RBFOX1: variants seen among roughly 807,000 people sequenced by gnomAD.
The protein encoded by RBFOX1 is RNA binding fox-1 homolog 1.
A neutral mutation model predicts 57.7 loss-of-function variants in RBFOX1; 8 were observed. The ratio of observed to expected loss-of-function variants is 0.14; its 90% CI spans 0.08 to 0.25. RBFOX1 has a LOEUF of 0.25. Ranked by LOEUF, RBFOX1 falls within the 10% of genes least tolerant of loss-of-function variation. RBFOX1 has a pLI of 1.00. For synonymous variants in RBFOX1, 326 were observed against 222.4 expected (o/e 1.47, Z -4.15); for missense variants, 611 against 548.5 (o/e 1.11, Z -1.14).
rs778753196 is a variant in RBFOX1 at position 6,859,174 on chromosome 16, T to TACGTATATATAC, written c.-15-192883_-15-192882insACGTATATATAC. Among the ~76,000 whole-genome samples the TACGTATATATAC allele has an allele frequency of 2.2e-4, 14 of 65,080 alleles. 2 individuals are homozygous for TACGTATATATAC. The highest frequency in any genetic ancestry group is 1.2e-3 in the African/African-American group (14 of 11,646). The allele number at this position is 65,080 out of a possible 152,430, so 42.7% of individuals were successfully genotyped here. A position where few individuals can be genotyped will look rare whatever the true frequency, so the allele number is the denominator to read the frequency against. On this transcript the variant is annotated intron_variant, in intron 3 of 15. Transcript: ENST00000550418. ...ATATGTATATATATACGTATATATA[T>TACGTATATATAC]GTATATATATGTATATATATATGTA...
At chr16:7,281,355 T>C (rs61363127) in intron 4 of RBFOX1, among the ~76,000 whole-genome samples, 19,311 of 151,338 alleles carry the variant, frequency 0.13, 1,713 homozygotes, top group South Asian at 0.24. Context: ...TTAGCATACA[T>C]TTGGAGGCAG....
Position 5,947,174 on chromosome 16 carries a change from C to T in RBFOX1, c.351+79839C>T, listed in dbSNP as rs1386198627. The stretch of plus-strand genomic sequence containing the variant: ...GAGGTTGCAGCGAGCCGTGATTCTG[C>T]CACTGCTCTCCAGCCTGGGTGGCAG... On this transcript the variant is annotated intron_variant, in intron 4 of 19. Transcript: ENST00000641259. This position sits in a 1 kb window ranked among gnomAD's most constrained non-coding sequence, Gnocchi z 7.2. Among the ~76,000 whole-genome samples, 1 of 152,150 alleles carries T rather than the reference C, an allele frequency of 6.6e-6. No homozygotes were observed. Among genetic ancestry groups the T allele is most frequent in the African/African-American group, 2.4e-5 (1 of 41,444 alleles).
chr16:6,015,512 C>T (rs2094988073), upstream of RBFOX1, among the ~76,000 whole-genome samples: 1 of 152,214 alleles, frequency 6.6e-6, no homozygotes, highest in Admixed American at 6.5e-5. Context: ...CAGAGCCTGC[C>T]TTGGGCCTTC....
chr16:5,797,116 T>G (rs1300476453), intron 3 of RBFOX1, among the ~76,000 whole-genome samples: 1 of 151,892 alleles, frequency 6.6e-6, no homozygotes, highest in African/African-American at 2.4e-5. Context: ...TATAGGGAGG[T>G]CAGGGAGGGA....
At chr16:7,025,336 C>G (rs962472436) in intron 3 of RBFOX1, among the ~76,000 whole-genome samples, 8 of 152,144 alleles carry the variant, frequency 5.3e-5, no homozygotes, top group African/African-American at 9.7e-5. Context: ...TCAGGGCCAT[C>G]TGGGTTTTGA....
intron 3 of RBFOX1, among the ~76,000 whole-genome samples, chr16:5,715,229 G>T (rs975387050): frequency 6.6e-6 from 1 of 151,998 alleles, no homozygotes; most frequent in Non-Finnish European, 1.5e-5. Context: ...CTATAAATCA[G>T]GTCTGCCTTA....
chr16:5,464,639 C>G (rs550685947), intron 1 of RBFOX1, among the ~76,000 whole-genome samples: 1 of 152,158 alleles, frequency 6.6e-6, no homozygotes, highest in Non-Finnish European at 1.5e-5. Context: ...TAGGGCGCCA[C>G]GAGAGGCCTC....
intron 3 of RBFOX1, among the ~76,000 whole-genome samples, chr16:6,946,148 C>T (rs777457628): frequency 1.4e-4 from 22 of 152,166 alleles, no homozygotes; most frequent in Non-Finnish European, 1.5e-4. Flanking sequence ...AGTGGGATAA[C>T]TCATGATTAG....
At chr16:6,740,861 G>T (rs749360552) in intron 3 of RBFOX1, among the ~76,000 whole-genome samples, 1 of 152,212 alleles carries the variant, frequency 6.6e-6, no homozygotes, top group Middle Eastern at 3.4e-3. Flanking sequence ...AATAAATATA[G>T]ACAAGATTAT....
chr16:7,696,180 C>T (rs1030211046), intron 14 of RBFOX1, among the ~76,000 whole-genome samples: 4 of 152,096 alleles, frequency 2.6e-5, no homozygotes, highest in Non-Finnish European at 2.9e-5. Context: ...TATTTTCTTA[C>T]CTAGGAGTTT....
chr16:6,907,687 C>T (rs1007560225), intron 3 of RBFOX1, among the ~76,000 whole-genome samples: 1 of 152,202 alleles, frequency 6.6e-6, no homozygotes, highest in East Asian at 1.9e-4. Flanking sequence ...TCTCCTGGCT[C>T]AGCCTCCTGA....
chr16:7,112,098 C>G (rs2064898490), intron 4 of RBFOX1, among the ~76,000 whole-genome samples: 1 of 152,126 alleles, frequency 6.6e-6, no homozygotes, highest in Non-Finnish European at 1.5e-5. Context: ...CAAAAATATC[C>G]TGTGATCTTA....
intron 2 of RBFOX1, among the ~76,000 whole-genome samples, chr16:6,330,110 C>T (rs2082836357): frequency 1.3e-5 from 2 of 152,092 alleles, no homozygotes; most frequent in Non-Finnish European, 2.9e-5. Context: ...TAATGTATGT[C>T]TGTAGTTTAA....
At chr16:5,253,012 G>A (rs985008706) in intron 1 of RBFOX1, among the ~76,000 whole-genome samples, 9 of 152,330 alleles carry the variant, frequency 5.9e-5, no homozygotes, top group African/African-American at 1.7e-4. Context: ...TGATTCATCA[G>A]CGTGAGGGGT....
chr16:6,885,860 T>A (rs923222529), intron 3 of RBFOX1, among the ~76,000 whole-genome samples: 23 of 152,112 alleles, frequency 1.5e-4, no homozygotes, highest in Admixed American at 1.2e-3. Context: ...TTTAGAGAAA[T>A]TCTAGAAATG....
intron 4 of RBFOX1, among the ~76,000 whole-genome samples, chr16:5,997,982 C>G (rs186565329): frequency 6.6e-6 from 1 of 152,136 alleles, no homozygotes; most frequent in Non-Finnish European, 1.5e-5. Flanking sequence ...TAGGAAAAGC[C>G]GTAACATTGG....
At chr16:6,782,740 C>T (rs2081243250) in intron 3 of RBFOX1, among the ~76,000 whole-genome samples, 1 of 152,086 alleles carries the variant, frequency 6.6e-6, no homozygotes, top group Non-Finnish European at 1.5e-5. Context: ...GTCTATTGAT[C>T]AATTTGTTCT....
At chr16:6,921,954 A>G (rs1170551917) in intron 3 of RBFOX1, among the ~76,000 whole-genome samples, 1 of 152,120 alleles carries the variant, frequency 6.6e-6, no homozygotes, top group African/African-American at 2.4e-5. Flanking sequence ...TCTGCACACC[A>G]CTGAAATATT....
intron 2 of RBFOX1, among the ~76,000 whole-genome samples, chr16:6,421,610 A>G (rs1597008379): frequency 6.6e-6 from 1 of 152,196 alleles, no homozygotes; most frequent in Non-Finnish European, 1.5e-5. Context: ...ATTGCATTCT[A>G]TTTGTTCCTG....
Sources: allele counts gnomAD v4.1 joint callset (sites outside exome capture counted in the v4.1 genomes callset), GRCh38; gene constraint gnomAD v4.1.1; non-coding constraint Gnocchi (gnomAD v3.1); transcripts MANE v1.5; gene names NCBI Gene and HGNC (gene_info 2026-07-23, HGNC 2026-07-21).